The following PXYLP1 variants were observed in gnomAD, a reference collection of about 807,000 sequenced individuals.
PXYLP1 encodes the protein acid phosphatase-like 2.
In PXYLP1, 17 loss-of-function variants were observed where a neutral mutation model predicts 37.9. That is an observed-to-expected ratio of 0.45 (90% confidence interval 0.31 to 0.67). The LOEUF is 0.67. Among genes scored for constraint, PXYLP1 ranks in the 30% least tolerant of loss-of-function variants. PXYLP1 has a pLI of 0.07. For missense variants in PXYLP1, 511 were observed against 612.0 expected (o/e 0.84, Z 1.74); for synonymous variants, 221 against 232.2 (o/e 0.95, Z 0.44).
chr3:141,240,044 G>T (rs536545381), intron 1 of PXYLP1, among the ~76,000 whole-genome samples: 147 of 152,346 alleles, frequency 9.6e-4, no homozygotes, highest in Non-Finnish European at 3.5e-4. Flanking sequence ...GTAAATAGGG[G>T]TTTGTTTATC....
intron 2 of PXYLP1, among the ~76,000 whole-genome samples, chr3:141,264,747 A>C (rs1017690094): frequency 1.3e-5 from 2 of 152,204 alleles, no homozygotes; most frequent in African/African-American, 4.8e-5. Flanking sequence ...CTTACCAGCT[A>C]TGTGACCTCA....
intron 1 of PXYLP1, among the ~76,000 whole-genome samples, chr3:141,238,701 C>T (rs1940718584): frequency 6.6e-6 from 1 of 151,714 alleles, no homozygotes; most frequent in African/African-American, 2.4e-5. Flanking sequence ...TGTAACTATA[C>T]ATAGCCTACT....
chr3:141,249,589 G>C (rs16851215), intron 1 of PXYLP1, among the ~76,000 whole-genome samples: 2,958 of 140,020 alleles, frequency 0.021, 101 homozygotes, highest in African/African-American at 0.075. Context: ...TGCTTTCTTT[G>C]ACATTTTAAG....
chr3:141,287,320 G>A lies in PXYLP1; in HGVS notation c.372G>A (p.Pro124=), dbSNP rs34601454. ...IDCTLVANRK[P]YHPKLEAFIS... is the part of the protein sequence containing the mutation. Reference sequence around the variant, plus strand: ...CTCTCTATCATCTCTCTAGGAAACCGTATCACCCAAAACTGGAAGCTTTCA... The same window carrying A: ...CTCTCTATCATCTCTCTAGGAAACCATATCACCCAAAACTGGAAGCTTTCA... Residue 124 remains proline (P), a synonymous_variant, in exon 5 of 6, where the codon CCG becomes CCA. Coordinates refer to ENST00000286353, the MANE Select transcript of PXYLP1 (RefSeq NM_001037172.3). 7,406 of 1,613,954 alleles carry A rather than the reference G, an allele frequency of 4.6e-3. 289 individuals are homozygous for A. In the African/African-American group the frequency reaches 0.083, roughly 18 times the overall value.
chr3:141,280,410 C>T (rs946575380), intron 4 of PXYLP1, among the ~76,000 whole-genome samples: 1 of 152,160 alleles, frequency 6.6e-6, no homozygotes, highest in East Asian at 1.9e-4. Context: ...CCATTTTTGG[C>T]GCTCCCATTT....
rs1047721016 is a variant in PXYLP1 at position 141,278,201 on chromosome 3, T to C, written c.80-141T>C. ...CAGAAGCCCTTCTTGAATGGGAAGC[T>C]GACTTCTGCTCCACTGAAGTGCACC... On this transcript the variant is annotated intron_variant, in intron 2 of 5. Transcript: ENST00000286353. The C allele has an allele frequency of 1.2e-5, 11 of 934,862 alleles. No individual in the cohort carries two copies. In the East Asian group the frequency reaches 2.0e-4, roughly 17 times the overall value. 57.9% of individuals were successfully genotyped at this position (934,862 alleles called of 1,614,324 possible). A position where few individuals can be genotyped will look rare whatever the true frequency, so the allele number is the denominator to read the frequency against.
chr3:141,241,236 G>A (rs1940792097), intron 1 of PXYLP1, among the ~76,000 whole-genome samples: 1 of 152,220 alleles, frequency 6.6e-6, no homozygotes, highest in African/African-American at 2.4e-5. Context: ...CTTTATTCTT[G>A]TTTAGTTTGT....
At chr3:141,239,078 A>C (rs1940730502) in intron 1 of PXYLP1, among the ~76,000 whole-genome samples, 2 of 152,264 alleles carry the variant, frequency 1.3e-5, no homozygotes, top group Non-Finnish European at 1.5e-5. Flanking sequence ...AAAAAAAAAA[A>C]AAACCTTGCC....
chr3:141,247,297 CATT>C (rs1393269319), intron 1 of PXYLP1, among the ~76,000 whole-genome samples: 1 of 152,208 alleles, frequency 6.6e-6, no homozygotes. Context: ...ATCCATGGAG[CATT>C]ATGGGAAACC....
intron 1 of PXYLP1, among the ~76,000 whole-genome samples, chr3:141,244,927 A>C (rs1282346192): frequency 6.6e-6 from 1 of 151,956 alleles, no homozygotes; most frequent in African/African-American, 2.4e-5. Context: ...TATTCTAATT[A>C]ATCCTCTCAC....
chr3:141,261,673 G>C (rs1438633346), intron 2 of PXYLP1, among the ~76,000 whole-genome samples: 1 of 152,120 alleles, frequency 6.6e-6, no homozygotes, highest in Non-Finnish European at 1.5e-5. Context: ...CAGTTCTTGT[G>C]TCTTTTCCTT....
intron 4 of PXYLP1, among the ~76,000 whole-genome samples, chr3:141,283,082 T>G (rs935391568): frequency 7.2e-5 from 11 of 151,994 alleles, no homozygotes; most frequent in Admixed American, 6.6e-4. Context: ...TTCTCCTGCC[T>G]CAGCCTCCCG....
rs373794247 is a variant in PXYLP1, at chr3:141,267,524, T to C, written c.79+7270T>C. The stretch of plus-strand genomic sequence containing the variant: ...TTAATTTTGGTCCTTTTCTTAAAGA[T>C]TTTACTTTCTGTTTGATTTCTGGGA... On this transcript the variant is annotated intron_variant, in intron 2 of 5. Transcript: ENST00000286353. The C allele has an allele frequency of 1.5e-4, 23 of 152,224 alleles. 2 individuals are homozygous for C. The highest frequency in any genetic ancestry group is 5.5e-4 in the African/African-American group (23 of 41,524). The allele number at this position is 152,224 out of a possible 1,614,324, so 9.4% of individuals were successfully genotyped here.
At chr3:141,252,435 G>C (rs978211111) in intron 1 of PXYLP1, among the ~76,000 whole-genome samples, 2 of 152,158 alleles carry the variant, frequency 1.3e-5, no homozygotes, top group Non-Finnish European at 2.9e-5. Flanking sequence ...TACAATCATG[G>C]TGGAAGGCAA....
chr3:141,279,311 T>C (rs1941886701), intron 3 of PXYLP1, 67 bp from the exon 4 acceptor site: 2 of 1,589,976 alleles, frequency 1.3e-6, no homozygotes, highest in Admixed American at 1.7e-5. Context: ...GGTCATCCCC[T>C]TGGCCCCCTT....
Position 141,292,642 on chromosome 3 carries a change from C to A in PXYLP1, c.880C>A (p.Pro294Thr), listed in dbSNP as rs1324592242. The change falls in exon 6 of 6, where the codon CCC becomes ACC. Residue 294 changes from proline (P) to threonine (T), a missense_variant. Physicochemically the swap from Pro to Thr is conservative, Grantham distance 38. Coordinates refer to ENST00000286353, the MANE Select transcript of PXYLP1 (RefSeq NM_001037172.3). The surrounding 1 kb of genome is among the most constrained non-coding windows in gnomAD (Gnocchi z 4.3). ...CACCAAGCAGCTTAGAGCTGCCAAC[C>A]CCATAGACTCCATGCTCTGCCACTT... Reference protein sequence around the residue: ...VPTKQLRAANPIDSMLCHFCH... With the variant: ...VPTKQLRAANTIDSMLCHFCH... 6.2e-7 allele frequency: 1 copy of A among 1,613,498 alleles called. No homozygotes were observed. Among genetic ancestry groups the A allele is most frequent in the Admixed American group, 1.7e-5 (1 of 59,978 alleles).
At chr3:141,259,364 A>G (rs1248614345) in intron 1 of PXYLP1, among the ~76,000 whole-genome samples, 1 of 151,476 alleles carries the variant, frequency 6.6e-6, no homozygotes, top group Non-Finnish European at 1.5e-5. Context: ...TCTAAAACTG[A>G]TAGGGTAGAA....
intron 2 of PXYLP1, among the ~76,000 whole-genome samples, chr3:141,270,248 T>C (rs999765554): frequency 2.6e-5 from 4 of 152,244 alleles, no homozygotes; most frequent in African/African-American, 4.8e-5. Context: ...TAGATCAAAA[T>C]GGCAAGAGCA....
At position 141,260,973 on chromosome 3, in the gene PXYLP1, C is replaced by T. The variant is rs1365209199; in HGVS notation, c.79+719C>T. ...CTGCTTCTGTGCTCAGATCCTGGTGCTCCTTTGCCAAGAGCGTTCTCCTCC... is the reference window on the plus strand; with the variant it reads ...CTGCTTCTGTGCTCAGATCCTGGTGTTCCTTTGCCAAGAGCGTTCTCCTCC... On this transcript the variant is annotated intron_variant, in intron 2 of 5. Coordinates refer to ENST00000286353, the MANE Select transcript of PXYLP1 (RefSeq NM_001037172.3). Among the ~76,000 whole-genome samples, 4 of 152,340 alleles carry T rather than the reference C, an allele frequency of 2.6e-5. No individual in the cohort carries two copies. In the East Asian group the frequency reaches 7.7e-4, roughly 29 times the overall value.
Sources: gnomAD v4.1 joint callset for allele counts (sites outside exome capture counted in the v4.1 genomes callset) on GRCh38, gnomAD v4.1.1 for gene constraint, Gnocchi (gnomAD v3.1) non-coding constraint, MANE v1.5 for transcripts, NCBI Gene and HGNC (gene_info 2026-07-23, HGNC 2026-07-21) for gene names.